The following STX2 variants were observed in gnomAD, a reference collection of about 807,000 sequenced individuals.
The protein encoded by STX2 is syntaxin 2.
STX2 carries 27 observed loss-of-function variants against 40.6 expected under a neutral mutation model. The observed-to-expected ratio is 0.66, with a 90% confidence interval of 0.49 to 0.92. The LOEUF (loss-of-function observed/expected upper bound fraction) is 0.92. Ranked by LOEUF, STX2 falls within the 40% of genes least tolerant of loss-of-function variation. The probability of loss-of-function intolerance (pLI) is 0.00; values close to 1 mark genes in which losing one functional copy is unlikely to be tolerated. For synonymous variants in STX2, 123 were observed against 119.1 expected, an observed-to-expected ratio of 1.03 and a Z score of -0.22; for missense variants, 328 against 366.1, an observed-to-expected ratio of 0.90 and a Z score of 0.85.
Position 130,796,020 on chromosome 12 carries a change from C to T in STX2, c.*20G>A. The T allele has an allele frequency of 1.9e-6, 3 of 1,613,978 alleles. No individual in the cohort carries two copies. Among genetic ancestry groups the T allele is most frequent in the Non-Finnish European group, 2.5e-6 (3 of 1,179,964 alleles). ...TCCCACCCTGGCAGAGAGGCATGCACACTGACGTTATCCACACCATCATTT... is the reference window on the plus strand; with the variant it reads ...TCCCACCCTGGCAGAGAGGCATGCATACTGACGTTATCCACACCATCATTT... On this transcript the variant is annotated 3_prime_UTR_variant, in exon 10 of 11. Transcript: ENST00000392373.
intron 5 of STX2, among the ~76,000 whole-genome samples, 190 bp downstream of exon 5, chr12:130,808,441 T>C (rs960618815): frequency 6.6e-6 from 1 of 152,236 alleles, no homozygotes; most frequent in African/African-American, 2.4e-5. Flanking sequence ...TCTCCAAGTG[T>C]GTCCTCAACT....
intron 1 of STX2, among the ~76,000 whole-genome samples, chr12:130,835,809 A>C (rs1952738570): frequency 6.6e-6 from 1 of 152,210 alleles, no homozygotes; most frequent in South Asian, 2.1e-4. Flanking sequence ...CAAGTCACGC[A>C]AACTTTCTAT....
intron 2 of STX2, among the ~76,000 whole-genome samples, chr12:130,824,940 C>T (rs1952244852): frequency 6.6e-6 from 1 of 152,166 alleles, no homozygotes; most frequent in Non-Finnish European, 1.5e-5. Context: ...CTGTTTCCCA[C>T]ATGCCCCTGA....
At chr12:130,837,247 G>A (rs1391617979) in intron 1 of STX2, among the ~76,000 whole-genome samples, 1 of 152,042 alleles carries the variant, frequency 6.6e-6, no homozygotes, top group African/African-American at 2.4e-5. Context: ...TGAGTACCAA[G>A]GACTACAGGT....
At chr12:130,795,938 T>C in intron 10 of STX2, 57 bp downstream of exon 10, 1 of 1,543,854 alleles carries the variant, frequency 6.5e-7, no homozygotes. Context: ...ATTAAGCAAA[T>C]ACTATTATTG....
chr12:130,831,831 T>C (rs964013862), intron 1 of STX2, among the ~76,000 whole-genome samples: 2 of 151,966 alleles, frequency 1.3e-5, no homozygotes, highest in Non-Finnish European at 2.9e-5. Context: ...TTAACAGGCA[T>C]TTAGACTTTA....
chr12:130,793,071 G>A lies in STX2; in HGVS notation c.*46-1094C>T, dbSNP rs141930125. On this transcript the variant is annotated intron_variant, in intron 10 of 10. Coordinates refer to ENST00000392373, the MANE Select transcript of STX2 (RefSeq NM_194356.4). ...ATTTTAATTACAGTTCCAAATGTACGAGTGCTTTTACCTAAGAAATCCTGT... is the reference window on the plus strand; with the variant it reads ...ATTTTAATTACAGTTCCAAATGTACAAGTGCTTTTACCTAAGAAATCCTGT... Among the ~76,000 whole-genome samples the A allele has an allele frequency of 8.0e-4, 122 of 152,170 alleles. 1 individual carries two copies. Among genetic ancestry groups the A allele is most frequent in the African/African-American group, 2.8e-3 (115 of 41,518 alleles).
intron 10 of STX2, among the ~76,000 whole-genome samples, chr12:130,794,365 C>T (rs1228260073): frequency 3.3e-5 from 5 of 152,310 alleles, no homozygotes; most frequent in Middle Eastern, 3.4e-3. Flanking sequence ...TGTTAACACA[C>T]GCAGCATCCC....
At chr12:130,810,579 T>C (rs919973886) in intron 4 of STX2, 2 of 152,152 alleles carry the variant, frequency 1.3e-5, no homozygotes, top group African/African-American at 4.8e-5. Flanking sequence ...CAGCAAAAAG[T>C]GGAAAGGCTG....
intron 1 of STX2, 35 bp downstream of exon 1, chr12:130,839,035 C>G: frequency 7.5e-7 from 1 of 1,330,368 alleles, no homozygotes; most frequent in Non-Finnish European, 9.6e-7. Flanking sequence ...GCCGCCCCGG[C>G]CGGGCCTGAA....
chr12:130,806,869 C>A, intron 6 of STX2, 113 bp downstream of exon 6: 1 of 989,420 alleles, frequency 1.0e-6, no homozygotes, highest in South Asian at 1.6e-5. Context: ...TTGGGTTTTA[C>A]ACTATTGGTG....
intron 10 of STX2, 134 bp downstream of exon 10, chr12:130,795,861 G>A: frequency 9.3e-7 from 1 of 1,074,444 alleles, no homozygotes; most frequent in South Asian, 1.9e-5. Flanking sequence ...ACAGGCAGAT[G>A]TATCACTAGA....
intron 4 of STX2, among the ~76,000 whole-genome samples, chr12:130,809,115 C>T (rs567100136): frequency 1.3e-5 from 2 of 152,346 alleles, no homozygotes; most frequent in East Asian, 1.9e-4. Context: ...GATCCGCCTG[C>T]CTTGGCATCC....
intron 8 of STX2, among the ~76,000 whole-genome samples, chr12:130,799,504 C>T (rs536273963): frequency 1.3e-5 from 2 of 152,244 alleles, no homozygotes; most frequent in South Asian, 4.2e-4. Context: ...TGGAATGCTT[C>T]CTGGAAATAA....
chr12:130,817,367 G>A (rs1951898881), intron 3 of STX2, among the ~76,000 whole-genome samples: 1 of 151,952 alleles, frequency 6.6e-6, no homozygotes, highest in Non-Finnish European at 1.5e-5. Flanking sequence ...TCGCTGAAGA[G>A]AAATCAAACG....
intron 1 of STX2, among the ~76,000 whole-genome samples, chr12:130,837,637 A>G (rs1952792087): frequency 6.6e-6 from 1 of 152,096 alleles, no homozygotes; most frequent in African/African-American, 2.4e-5. Context: ...GTGTTGCCCA[A>G]GCTGGTCTCC....
chr12:130,835,773 G>A (rs1952737339), intron 1 of STX2, among the ~76,000 whole-genome samples: 2 of 152,074 alleles, frequency 1.3e-5, no homozygotes, highest in South Asian at 4.2e-4. Context: ...ATATCTTTCT[G>A]GATTTAGAGT....
intron 3 of STX2, among the ~76,000 whole-genome samples, chr12:130,816,430 C>T (rs764697255): frequency 6.6e-6 from 1 of 152,200 alleles, no homozygotes; most frequent in East Asian, 1.9e-4. Context: ...GCTTGAGCAA[C>T]TCATCAGCAA....
chr12:130,808,555 T>C (rs1481864599), intron 5 of STX2, 76 bp downstream of exon 5: 17 of 1,249,878 alleles, frequency 1.4e-5, no homozygotes, highest in Non-Finnish European at 1.8e-5. Context: ...GATGAAATTA[T>C]TCAGAGTCTG....
Sources: gnomAD v4.1 joint callset for allele counts (sites outside exome capture counted in the v4.1 genomes callset) on GRCh38, gnomAD v4.1.1 for gene constraint, MANE v1.5 for transcripts, NCBI Gene and HGNC (gene_info 2026-07-23, HGNC 2026-07-21) for gene names.